JPH1: variants seen among roughly 807,000 people sequenced by gnomAD.
JPH1 encodes junctophilin 1.
Under a neutral mutation model 53.6 loss-of-function variants are expected in JPH1, and 12 were observed. That is an observed-to-expected ratio of 0.22 (90% CI 0.14 to 0.36). The LOEUF is 0.36. Ranked by LOEUF, JPH1 falls within the 10% of genes least tolerant of loss-of-function variation. The probability of loss-of-function intolerance (pLI) is 1.00; values close to 1 mark genes in which losing one functional copy is unlikely to be tolerated. For synonymous variants in JPH1, 375 were observed against 363.8 expected, an observed-to-expected ratio of 1.03 and a Z score of -0.35; for missense variants, 808 against 905.5, an observed-to-expected ratio of 0.89 and a Z score of 1.38.
chr8:74,283,110 G>A (rs1432051984), intron 2 of JPH1, among the ~76,000 whole-genome samples: 1 of 152,144 alleles, frequency 6.6e-6, no homozygotes, highest in Non-Finnish European at 1.5e-5. Context: ...AGTAAAACGT[G>A]TATGTAGACT....
chr8:74,320,773 G>T lies in JPH1; in HGVS notation c.379+136C>A. On this transcript the variant is annotated intron_variant, in intron 1 of 5. Coordinates refer to ENST00000342232, the MANE Select transcript of JPH1 (RefSeq NM_020647.4). This position sits in a 1 kb window ranked among gnomAD's most constrained non-coding sequence, Gnocchi z 4.4. ...CTGGGAAAGGCGGGCGCGGGCGCGG[G>T]GGTGGGAGGCGCCCCCAGGTGTTTT... 1 of 1,074,174 alleles carries T rather than the reference G, an allele frequency of 9.3e-7. No homozygotes were observed. The highest frequency in any genetic ancestry group is 1.2e-6 in the Non-Finnish European group (1 of 801,648). 66.5% of individuals were successfully genotyped at this position (1,074,174 alleles called of 1,614,324 possible).
intron 2 of JPH1, among the ~76,000 whole-genome samples, chr8:74,289,317 A>G (rs1807256159): frequency 6.6e-6 from 1 of 152,220 alleles, no homozygotes; most frequent in Non-Finnish European, 1.5e-5. Flanking sequence ...ACCACTAGCT[A>G]CAGCATGACC....
intron 4 of JPH1, among the ~76,000 whole-genome samples, chr8:74,237,625 G>A (rs934809372): frequency 1.3e-5 from 2 of 152,192 alleles, no homozygotes; most frequent in Admixed American, 6.5e-5. Context: ...GCCTACGAAC[G>A]GCTGGGAGTT....
chr8:74,259,338 C>T, intron 3 of JPH1, 47 bp downstream of exon 3: 4 of 1,391,462 alleles, frequency 2.9e-6, no homozygotes, highest in Non-Finnish European at 3.0e-6. Flanking sequence ...TAAAAGCAAG[C>T]CAAAGCCAGT....
In JPH1 at chr8:74,315,450, C is replaced by T. The variant is rs1021102404; in HGVS notation, c.550G>A (p.Asp184Asn). The T allele has an allele frequency of 5.6e-6, 9 of 1,609,248 alleles. No individual in the cohort carries two copies. The highest frequency in any genetic ancestry group is 2.7e-5 in the African/African-American group (2 of 74,746). ...SVLHDAAAAA[D>N]SPAGTRGGFV... ...CCGCCGCGGGTGCCGGCCGGGCTGTCGGCGGCGGCTGCGGCGTCGTGGAGC... is the reference window on the plus strand; with the variant it reads ...CCGCCGCGGGTGCCGGCCGGGCTGTTGGCGGCGGCTGCGGCGTCGTGGAGC... The change falls in exon 2 of 6, where the codon GAC (aspartate) becomes AAC (asparagine). Residue 184 changes from aspartate (D) to asparagine (N), a missense_variant. Asp to Asn is a conservative substitution (Grantham distance 23). Coordinates refer to ENST00000342232, the MANE Select transcript of JPH1 (RefSeq NM_020647.4). This position sits in a 1 kb window ranked among gnomAD's most constrained non-coding sequence, Gnocchi z 6.3.
chr8:74,299,551 A>C (rs1276125823), intron 2 of JPH1, among the ~76,000 whole-genome samples: 2 of 152,148 alleles, frequency 1.3e-5, no homozygotes, highest in Non-Finnish European at 2.9e-5. Flanking sequence ...TTCTGTCTAT[A>C]ACCCTTCTTC....
intron 3 of JPH1, among the ~76,000 whole-genome samples, chr8:74,245,778 G>C (rs1395261928): frequency 1.3e-5 from 2 of 151,908 alleles, no homozygotes; most frequent in African/African-American, 2.4e-5. Context: ...GTTGTCTCTG[G>C]TTCTGTAGCT....
At position 74,244,791 on chromosome 8, in the gene JPH1, G is replaced by C. The variant is rs201277773; in HGVS notation, c.1643C>G (p.Ser548Cys). The C allele has an allele frequency of 5.0e-6, 8 of 1,614,226 alleles. No individual in the cohort carries two copies. The East Asian group carries it at 1.3e-4, about 27-fold the overall frequency. Residue 548 changes from serine (S) to cysteine (C), a missense_variant, in exon 4 of 6, where the codon TCT becomes TGT. Transcript: ENST00000342232. ...CTTCACGTAGTAGCCGTGATACTGAGAATGCAGCTCCCCGTTACTGGGGTT... is the reference window on the plus strand; with the variant it reads ...CTTCACGTAGTAGCCGTGATACTGACAATGCAGCTCCCCGTTACTGGGGTT... ...IPNPSNGELH[S>C]QYHGYYVKLN...
chr8:74,267,883 A>C (rs1453002625), intron 2 of JPH1, among the ~76,000 whole-genome samples: 1 of 152,212 alleles, frequency 6.6e-6, no homozygotes, highest in Non-Finnish European at 1.5e-5. Context: ...GTGCTGGATG[A>C]GCGAAAGAAA....
intron 1 of JPH1, among the ~76,000 whole-genome samples, chr8:74,319,619 G>C (rs1324923133): frequency 2.0e-5 from 3 of 152,162 alleles, no homozygotes; most frequent in Non-Finnish European, 2.9e-5. Flanking sequence ...TTTTGCATTT[G>C]AAACACGGCC....
chr8:74,307,951 T>C (rs139614821), intron 2 of JPH1, among the ~76,000 whole-genome samples: 1 of 152,336 alleles, frequency 6.6e-6, no homozygotes, highest in East Asian at 1.9e-4. Context: ...CATTGACTCA[T>C]AGTTGACTTT....
In JPH1 at chr8:74,237,377, G is replaced by GA. The variant is rs1807031892; in HGVS notation, c.1906-75dup. On this transcript the variant is annotated intron_variant, in intron 4 of 5. Coordinates refer to ENST00000342232, the MANE Select transcript of JPH1 (RefSeq NM_020647.4). ...CAAGATATTACCAAAGCCAATTACT[G>GA]AAAAAATGAGAAAGTTAACATGATT... 3 of 1,146,818 alleles carry GA rather than the reference G, an allele frequency of 2.6e-6. No homozygotes were observed. In the East Asian group the frequency reaches 7.1e-5, roughly 27 times the overall value. The allele number at this position is 1,146,818 out of a possible 1,614,324, so 71.0% of individuals were successfully genotyped here. A position where few individuals can be genotyped will look rare whatever the true frequency, so the allele number is the denominator to read the frequency against.
rs1196962263 is a variant in JPH1 at position 74,300,344 on chromosome 8, T to C, written c.1139+14517A>G. ...GACTGACTGAATTGCTTCGTGTTAT[T>C]TTTTTAACTACCTCCCATGTACATG... is the stretch of plus-strand genomic sequence containing the variant. On this transcript the variant is annotated intron_variant, in intron 2 of 5. Coordinates refer to ENST00000342232, the MANE Select transcript of JPH1 (RefSeq NM_020647.4). 2.6e-5 allele frequency among the ~76,000 whole-genome samples: 4 copies of C among 152,218 alleles called. No individual in the cohort carries two copies. The East Asian group carries it at 7.7e-4, about 29-fold the overall frequency.
intron 2 of JPH1, among the ~76,000 whole-genome samples, chr8:74,272,743 A>G (rs1806740321): frequency 2.6e-5 from 4 of 151,724 alleles, no homozygotes; most frequent in Admixed American, 2.6e-4. Context: ...AGCTGGGACT[A>G]CAGGCGCGCG....
chr8:74,316,395 C>G (rs528332841), intron 1 of JPH1, among the ~76,000 whole-genome samples: 1 of 152,332 alleles, frequency 6.6e-6, no homozygotes, highest in South Asian at 2.1e-4. Context: ...ATTTCCCTAG[C>G]TGCCACTGCA....
At chr8:74,288,873 C>G (rs745480244) in intron 2 of JPH1, among the ~76,000 whole-genome samples, 9 of 152,198 alleles carry the variant, frequency 5.9e-5, no homozygotes, top group Admixed American at 1.3e-4. Flanking sequence ...TTTGAATAAC[C>G]TTTTGTTTGC....
At chr8:74,283,489 G>A (rs928428180) in intron 2 of JPH1, among the ~76,000 whole-genome samples, 7 of 152,140 alleles carry the variant, frequency 4.6e-5, no homozygotes, top group African/African-American at 1.7e-4. Context: ...GGGCTGTGAT[G>A]ACATCAACCT....
At chr8:74,256,082 C>T (rs1430043894) in intron 3 of JPH1, among the ~76,000 whole-genome samples, 3 of 152,106 alleles carry the variant, frequency 2.0e-5, no homozygotes, top group Non-Finnish European at 4.4e-5. Context: ...GCTATAAAGT[C>T]ACATGCACAC....
chr8:74,320,848 C>G lies in JPH1; in HGVS notation c.379+61G>C, dbSNP rs1363890091. Reference sequence around the variant, plus strand: ...CGGCGTCCTCCCCGCTTCCCCGCAGCCGGGGCAGAGCCCACCGCACCAGCT... The same window carrying G: ...CGGCGTCCTCCCCGCTTCCCCGCAGGCGGGGCAGAGCCCACCGCACCAGCT... On this transcript the variant is annotated intron_variant, in intron 1 of 5. Transcript: ENST00000342232. The surrounding 1 kb of genome is among the most constrained non-coding windows in gnomAD (Gnocchi z 4.4). 2 of 1,426,132 alleles carry G rather than the reference C, an allele frequency of 1.4e-6. No individual in the cohort carries two copies. Among genetic ancestry groups the G allele is most frequent in the African/African-American group, 1.5e-5 (1 of 66,822 alleles). The allele number at this position is 1,426,132 out of a possible 1,614,324, so 88.3% of individuals were successfully genotyped here.
Sources: allele counts gnomAD v4.1 joint callset (sites outside exome capture counted in the v4.1 genomes callset), GRCh38; gene constraint gnomAD v4.1.1; non-coding constraint Gnocchi (gnomAD v3.1); transcripts MANE v1.5; gene names NCBI Gene and HGNC (gene_info 2026-07-23, HGNC 2026-07-21).